The following SYNPO2 variants were observed in gnomAD, a reference collection of about 807,000 sequenced individuals.
SYNPO2 encodes synaptopodin 2.
A neutral mutation model predicts 85.0 loss-of-function variants in SYNPO2; 56 were observed. The observed-to-expected ratio is 0.66, with a 90% CI of 0.53 to 0.82. The LOEUF (loss-of-function observed/expected upper bound fraction) is 0.82, where lower values mean the gene tolerates loss of function less well. SYNPO2 is among the 40% of genes least tolerant of loss of function. The pLI is 0.00. For synonymous variants in SYNPO2, 602 were observed against 591.1 expected (o/e 1.02, Z -0.27); for missense variants, 1,575 against 1,534.2 (o/e 1.03, Z -0.44).
chr4:118,857,140 C>G (rs1262895462), intron 1 of SYNPO2, among the ~76,000 whole-genome samples: 1 of 152,078 alleles, frequency 6.6e-6, no homozygotes, highest in African/African-American at 2.4e-5. Context: ...GCCACAGGAT[C>G]TATCATCCAT....
At chr4:118,864,957 T>A (rs1731675711) in intron 1 of SYNPO2, among the ~76,000 whole-genome samples, 2 of 152,170 alleles carry the variant, frequency 1.3e-5, no homozygotes, top group Non-Finnish European at 2.9e-5. Context: ...AGTAAATAAT[T>A]GAAAAGCAAA....
intron 1 of SYNPO2, among the ~76,000 whole-genome samples, chr4:118,855,047 T>A (rs1296155757): frequency 6.6e-6 from 1 of 151,832 alleles, no homozygotes; most frequent in Non-Finnish European, 1.5e-5. Flanking sequence ...ATTCAGCTAG[T>A]GAAGTGTTTA....
intron 4 of SYNPO2, among the ~76,000 whole-genome samples, chr4:119,039,992 G>C (rs1738657905): frequency 6.6e-6 from 1 of 152,052 alleles, no homozygotes; most frequent in South Asian, 2.1e-4. Context: ...CTGCTGGTTG[G>C]GAGACTTTAA....
intron 1 of SYNPO2, among the ~76,000 whole-genome samples, chr4:118,929,139 T>A (rs1578559321): frequency 6.8e-6 from 1 of 146,948 alleles, no homozygotes; most frequent in Non-Finnish European, 1.5e-5. Context: ...GTAGGAAGGA[T>A]GGAGGAAAGA....
intron 1 of SYNPO2, among the ~76,000 whole-genome samples, chr4:119,005,141 G>A (rs1400153143): frequency 3.3e-5 from 5 of 152,196 alleles, no homozygotes; most frequent in Non-Finnish European, 4.4e-5. Flanking sequence ...TTTGTCAGAT[G>A]AGTAGATTGC....
Position 119,051,586 on chromosome 4 carries a change from T to C in SYNPO2, c.3253-5815T>C, listed in dbSNP as rs10021626. Among the ~76,000 whole-genome samples, 140 of 152,318 alleles carry C rather than the reference T, an allele frequency of 9.2e-4. 1 individual carries two copies. The highest frequency in any genetic ancestry group is 3.3e-3 in the African/African-American group (136 of 41,574). On this transcript the variant is annotated intron_variant, in intron 4 of 4. Coordinates refer to ENST00000307142, the MANE Select transcript of SYNPO2 (RefSeq NM_133477.3). Reference sequence around the variant, plus strand: ...CTCTGGAAACAAGTAACCCCTCTTCTCTAGAGAGAAGACTCAGTGAGGTAT... The same window carrying C: ...CTCTGGAAACAAGTAACCCCTCTTCCCTAGAGAGAAGACTCAGTGAGGTAT...
At chr4:118,996,509 C>G (rs928212321) in intron 1 of SYNPO2, among the ~76,000 whole-genome samples, 4 of 152,044 alleles carry the variant, frequency 2.6e-5, no homozygotes, top group Non-Finnish European at 5.9e-5. Context: ...AAAACAATAC[C>G]TTCTCTCAAG....
chr4:119,034,234 G>A, intron 4 of SYNPO2: 1 of 985,378 alleles, frequency 1.0e-6, no homozygotes, highest in Non-Finnish European at 1.2e-6. Context: ...TTATAGCTTT[G>A]CATTCTTAAC....
chr4:118,939,544 A>G (rs1282272128), intron 1 of SYNPO2, among the ~76,000 whole-genome samples: 1 of 152,180 alleles, frequency 6.6e-6, no homozygotes, highest in East Asian at 1.9e-4. Context: ...ATACGTGAGA[A>G]AGGCAAGAGA....
At chr4:118,929,027 A>G (rs888497298) in intron 1 of SYNPO2, among the ~76,000 whole-genome samples, 2 of 152,066 alleles carry the variant, frequency 1.3e-5, no homozygotes, top group Non-Finnish European at 2.9e-5. Context: ...TATTTAATTC[A>G]CTGTTTCTTT....
chr4:118,866,516 G>A (rs183772867), intron 1 of SYNPO2, among the ~76,000 whole-genome samples: 1 of 152,254 alleles, frequency 6.6e-6, no homozygotes, highest in East Asian at 1.9e-4. Flanking sequence ...GGCCCTAGTT[G>A]GTTGAGCACT....
chr4:119,048,882 G>A (rs979701146), intron 4 of SYNPO2, among the ~76,000 whole-genome samples: 1 of 152,148 alleles, frequency 6.6e-6, no homozygotes, highest in Non-Finnish European at 1.5e-5. Flanking sequence ...TTTTTGAAAT[G>A]AAAAGCCATG....
At position 118,900,703 on chromosome 4, in the gene SYNPO2, C is replaced by CTCTCTA. The variant is rs1277981772; in HGVS notation, c.105+11563_105+11564insCTCTAT. Among the ~76,000 whole-genome samples the CTCTCTA allele has an allele frequency of 4.8e-3, 212 of 43,836 alleles. 1 individual carries two copies. The highest frequency in any genetic ancestry group is 0.014 in the Middle Eastern group (1 of 70). 28.8% of individuals were successfully genotyped at this position (43,836 alleles called of 152,430 possible). On this transcript the variant is annotated intron_variant, in intron 1 of 4. Coordinates refer to ENST00000307142, the MANE Select transcript of SYNPO2 (RefSeq NM_133477.3). ...TCTCTCTCTCTCTCTCTCTCTCTCT[C>CTCTCTA]TATATATATATATATATATATATAT...
chr4:119,051,014 T>A (rs1466594582), intron 4 of SYNPO2, among the ~76,000 whole-genome samples: 1 of 152,044 alleles, frequency 6.6e-6, no homozygotes, highest in African/African-American at 2.4e-5. Flanking sequence ...AGGGAGTGAA[T>A]GACATAGATA....
chr4:118,906,014 G>T (rs920181598), intron 1 of SYNPO2, among the ~76,000 whole-genome samples: 11 of 152,080 alleles, frequency 7.2e-5, no homozygotes, highest in Non-Finnish European at 1.3e-4. Flanking sequence ...TCTTTTCATA[G>T]TTCTTGGCAT....
At chr4:118,885,239 T>G (rs2149111452), upstream of SYNPO2, among the ~76,000 whole-genome samples, 1 of 152,274 alleles carries the variant, frequency 6.6e-6, no homozygotes, top group South Asian at 2.1e-4. Context: ...TCGGACTTTA[T>G]CCGGGAGCCC....
In SYNPO2 at chr4:119,030,672, T is replaced by C. The variant is rs2149190482; in HGVS notation, c.1897T>C (p.Ser633Pro). 1 of 1,614,078 alleles carries C rather than the reference T, an allele frequency of 6.2e-7. No homozygotes were observed. The highest frequency in any genetic ancestry group is 2.2e-5 in the East Asian group (1 of 44,870). The part of the protein sequence containing the change: ...SAVTPPPDAF[S>P]RGVSSPIAGP... ...AGTCACTCCTCCCCCTGACGCCTTC[T>C]CCAGAGGGGTTTCAAGTCCGATTGC... Residue 633 changes from serine to proline, a missense_variant, in exon 4 of 5, where the codon TCC becomes CCC. By Grantham distance (74) the Ser-to-Pro change is moderately conservative. Around this residue, in one of 3 missense-constraint regions of SYNPO2, gnomAD observed 1,508 missense variants for 1,446.8 expected, o/e 1.04. Transcript: ENST00000307142.
chr4:119,030,079 T>C lies in SYNPO2; in HGVS notation c.1304T>C (p.Val435Ala), dbSNP rs372848851. 9.0e-5 allele frequency: 145 copies of C among 1,613,912 alleles called. 1 individual carries two copies. Among genetic ancestry groups the C allele is most frequent in the Middle Eastern group, 8.2e-4 (5 of 6,084 alleles). The change falls in exon 4 of 5, where the codon GTA becomes GCA. Residue 435 changes from valine to alanine, a missense_variant. Transcript: ENST00000307142. ...EEGDKEDTCE[V>A]AFLGASESEV... ...GGTGACAAGGAGGATACATGTGAAG[T>C]AGCATTTCTTGGTGCAAGCGAATCA...
intron 4 of SYNPO2, 77 bp from the exon 5 acceptor site, chr4:119,057,324 G>A (rs1050400870): frequency 2.9e-6 from 4 of 1,389,926 alleles, no homozygotes; most frequent in Non-Finnish European, 3.9e-6. Flanking sequence ...CTTGGTAATG[G>A]TGCTAGGAAT....
Sources: allele counts gnomAD v4.1 joint callset (sites outside exome capture counted in the v4.1 genomes callset), GRCh38; gene constraint gnomAD v4.1.1; regional missense constraint gnomAD v4.1.1; transcripts MANE v1.5; gene names NCBI Gene and HGNC (gene_info 2026-07-23, HGNC 2026-07-21).